IK: variants seen among roughly 807,000 people sequenced by gnomAD.
The protein encoded by IK is protein Red.
In IK, 47 loss-of-function variants were observed where a neutral mutation model predicts 90.9. The observed-to-expected ratio is 0.52, with a 90% CI of 0.41 to 0.66. The LOEUF (loss-of-function observed/expected upper bound fraction) is 0.66. IK is among the 30% of genes least tolerant of loss of function. The pLI is 0.00. For missense variants in IK, 385 were observed against 709.3 expected, an observed-to-expected ratio of 0.54 and a Z score of 5.19; for synonymous variants, 201 against 227.5, an observed-to-expected ratio of 0.88 and a Z score of 1.05.
At position 140,658,753 on chromosome 5, in the gene IK, G is replaced by T; in HGVS notation, c.927G>T (p.Lys309Asn). The change falls in exon 11 of 20, where the codon AAG becomes AAT. Residue 309 changes from lysine (K) to asparagine (N), a missense_variant. Around this residue, in one of 8 missense-constraint regions of IK, gnomAD observed 139 missense variants for 172.0 expected, o/e 0.81. Transcript: ENST00000417647. ...KKKDKGKLEE[K>N]KPPEADMNIF... ...AAATTTCAGGGAAGCTGGAAGAGAA[G>T]AAACCTCCTGAGGCTGACATGAAGT... 1 of 1,611,138 alleles carries T rather than the reference G, an allele frequency of 6.2e-7. No homozygotes were observed.
chr5:140,660,289 CTTCTTTTT>C, intron 15 of IK, 94 bp downstream of exon 15: 2 of 282,650 alleles, frequency 7.1e-6, no homozygotes, highest in Non-Finnish European at 1.2e-5. Flanking sequence ...CCCAGGGCTA[CTTCTTTTT>C]TTTTTTTTTT....
intron 15 of IK, 97 bp from the exon 16 acceptor site, chr5:140,660,661 G>T: frequency 2.2e-6 from 2 of 911,456 alleles, no homozygotes; most frequent in Admixed American, 3.8e-5. Context: ...CTAGGGGGTG[G>T]TCATTCCTAT....
At chr5:140,658,562 C>T (rs548109112) in intron 10 of IK, among the ~76,000 whole-genome samples, 175 bp from the exon 11 acceptor site, 67 of 151,736 alleles carry the variant, frequency 4.4e-4, no homozygotes, top group South Asian at 2.5e-3. Context: ...TCAAGTGATC[C>T]GCCCGCCTTG....
In IK at chr5:140,658,348, C is replaced by T. The variant is rs79593259; in HGVS notation, c.911-389C>T. On this transcript the variant is annotated intron_variant, in intron 10 of 19. Coordinates refer to ENST00000417647, the MANE Select transcript of IK (RefSeq NM_006083.4). Reference sequence around the variant, plus strand: ...TATTTATTTATTTTGAGACGAGTCTCGTTTTGTCGCCCAGGCTGGAGTGCA... The same window carrying T: ...TATTTATTTATTTTGAGACGAGTCTTGTTTTGTCGCCCAGGCTGGAGTGCA... 7.8e-3 allele frequency among the ~76,000 whole-genome samples: 1,179 copies of T among 151,666 alleles called. 13 individuals carry two copies. Among genetic ancestry groups the T allele is most frequent in the African/African-American group, 0.027 (1,128 of 41,280 alleles).
At chr5:140,660,040 C>T (rs1757774895) in intron 14 of IK, 75 bp from the exon 15 acceptor site, 2 of 1,317,614 alleles carry the variant, frequency 1.5e-6, no homozygotes, top group African/African-American at 1.5e-5. Context: ...GGCTTCTAGC[C>T]CTTGGCCCCC....
rs200714869 is a variant in IK, at chr5:140,660,292, C to CTTTTTTTTTTTTTTTT, written c.1355+104_1355+119dup. The stretch of plus-strand genomic sequence containing the variant: ...GATTCGCTAAGTCCCAGGGCTACTT[C>CTTTTTTTTTTTTTTTT]TTTTTTTTTTTTTTTTTTTTTTGGA... On this transcript the variant is annotated intron_variant, in intron 15 of 19. Coordinates refer to ENST00000417647, the MANE Select transcript of IK (RefSeq NM_006083.4). 1,045 of 282,978 alleles carry CTTTTTTTTTTTTTTTT rather than the reference C, an allele frequency of 3.7e-3. 82 individuals carry two copies. The highest frequency in any genetic ancestry group is 0.012 in the African/African-American group (242 of 19,456). The allele number at this position is 282,978 out of a possible 1,614,324, so 17.5% of individuals were successfully genotyped here. A position where few individuals can be genotyped will look rare whatever the true frequency, so the allele number is the denominator to read the frequency against.
At chr5:140,659,655 A>C in intron 13 of IK, 101 bp from the exon 14 acceptor site, 1 of 775,062 alleles carries the variant, frequency 1.3e-6, no homozygotes, top group South Asian at 1.6e-5. Flanking sequence ...TTTGTTAGAC[A>C]AAAGGGTTCT....
At chr5:140,650,663 G>A (rs1323781226) in intron 2 of IK, among the ~76,000 whole-genome samples, 5 of 151,788 alleles carry the variant, frequency 3.3e-5, no homozygotes, top group Admixed American at 2.0e-4. Flanking sequence ...TGCAAACTCC[G>A]CCTCCCAGGT....
At chr5:140,658,088 C>T (rs1757739600) in intron 10 of IK, among the ~76,000 whole-genome samples, 1 of 152,132 alleles carries the variant, frequency 6.6e-6, no homozygotes, top group Non-Finnish European at 1.5e-5. Flanking sequence ...CAACCTCTGC[C>T]TCCCGGGGTC....
chr5:140,652,305 G>A (rs1757627277), intron 4 of IK, among the ~76,000 whole-genome samples, 158 bp downstream of exon 4: 1 of 151,970 alleles, frequency 6.6e-6, no homozygotes, highest in Non-Finnish European at 1.5e-5. Context: ...AGAGGGCTTT[G>A]GAATAGGCCT....
intron 13 of IK, among the ~76,000 whole-genome samples, 168 bp downstream of exon 13, chr5:140,659,501 A>T (rs921505520): frequency 6.6e-6 from 1 of 152,074 alleles, no homozygotes; most frequent in African/African-American, 2.4e-5. Flanking sequence ...TTCCTGGGCC[A>T]TGGCAGGGCA....
chr5:140,656,766 A>G (rs540425442), intron 9 of IK, among the ~76,000 whole-genome samples: 1 of 152,320 alleles, frequency 6.6e-6, no homozygotes, highest in Non-Finnish European at 1.5e-5. Flanking sequence ...TTGTGTTACA[A>G]ACAATCCATT....
chr5:140,653,474 G>T (rs368026347), intron 5 of IK, among the ~76,000 whole-genome samples: 2 of 150,268 alleles, frequency 1.3e-5, no homozygotes, highest in African/African-American at 4.9e-5. Context: ...TTTTAGTAGA[G>T]ACAGGGTTTC....
At chr5:140,658,288 G>C (rs1487549330) in intron 10 of IK, among the ~76,000 whole-genome samples, 1 of 151,984 alleles carries the variant, frequency 6.6e-6, no homozygotes, top group African/African-American at 2.4e-5. Flanking sequence ...ACAGGCATGA[G>C]CCACTCTTCC....
At position 140,661,890 on chromosome 5, in the gene IK, T is replaced by G; in HGVS notation, c.1503-9T>G. The G allele has an allele frequency of 6.2e-7, 1 of 1,600,176 alleles. No individual in the cohort carries two copies. On this transcript the variant is annotated splice_polypyrimidine_tract_variant and intron_variant, in intron 17 of 19. Transcript: ENST00000417647. This position sits in a 1 kb window ranked among gnomAD's most constrained non-coding sequence, Gnocchi z 4.2. ...CTCTGATGCATTCTTTCCCAACTGC[T>G]TTTTTCAGGGCTGCATTCCAGTATG...
chr5:140,661,637 C>CT lies in IK; in HGVS notation c.1433dup (p.Leu478PhefsTer7), dbSNP rs1581486395. ...TGCAACAGGGTAACAAGAAGGGGCCCTTAGGCCGTTGGGACTTTGATACCC... is the reference window on the plus strand; with the variant it reads ...TGCAACAGGGTAACAAGAAGGGGCCCTTTAGGCCGTTGGGACTTTGATACCC... On this transcript the variant is annotated frameshift_variant, in exon 17 of 20. Coordinates refer to ENST00000417647, the MANE Select transcript of IK (RefSeq NM_006083.4). LOFTEE classifies it high-confidence loss of function. This position sits in a 1 kb window ranked among gnomAD's most constrained non-coding sequence, Gnocchi z 4.2. The CT allele has an allele frequency of 6.2e-7, 1 of 1,608,710 alleles. No individual in the cohort carries two copies. Among genetic ancestry groups the CT allele is most frequent in the East Asian group, 2.2e-5 (1 of 44,762 alleles).
chr5:140,650,494 T>G (rs1757597245), intron 2 of IK, among the ~76,000 whole-genome samples: 2 of 152,246 alleles, frequency 1.3e-5, no homozygotes, highest in South Asian at 4.1e-4. Context: ...ATTAGTGCTG[T>G]CTTTCCCTCT....
intron 9 of IK, among the ~76,000 whole-genome samples, chr5:140,657,259 A>G (rs573156034): frequency 1.1e-4 from 16 of 152,322 alleles, no homozygotes; most frequent in Non-Finnish European, 1.6e-4. Context: ...AGCTTTTAGT[A>G]GTATCTCATT....
chr5:140,660,049 C>A (rs1757775039), intron 14 of IK, 66 bp from the exon 15 acceptor site: 2 of 1,426,242 alleles, frequency 1.4e-6, no homozygotes, highest in Non-Finnish European at 2.0e-6. Context: ...CCCTTGGCCC[C>A]CTCCTGGCTG....
Sources: allele counts gnomAD v4.1 joint callset (sites outside exome capture counted in the v4.1 genomes callset), GRCh38; gene constraint gnomAD v4.1.1; regional missense constraint gnomAD v4.1.1; non-coding constraint Gnocchi (gnomAD v3.1); transcripts MANE v1.5; gene names NCBI Gene and HGNC (gene_info 2026-07-23, HGNC 2026-07-21).